Variants in ROCK1 observed in about 807,000 individuals in gnomAD.
The protein encoded by ROCK1 is Rho associated coiled-coil containing protein kinase 1.
A neutral mutation model predicts 196.8 loss-of-function variants in ROCK1; 36 were observed. The ratio of observed to expected loss-of-function variants is 0.18; its 90% CI spans 0.14 to 0.24. The LOEUF is 0.24. ROCK1 is among the 10% of genes least tolerant of loss of function. The pLI is 1.00. For missense variants in ROCK1, 920 were observed against 1,562.0 expected (o/e 0.59, Z 6.93); for synonymous variants, 443 against 515.9 (o/e 0.86, Z 1.91).
At chr18:21,042,494 T>A (rs1450858286) in intron 7 of ROCK1, 71 bp downstream of exon 7, 3 of 1,438,172 alleles carry the variant, frequency 2.1e-6, no homozygotes, top group Non-Finnish European at 2.8e-6. Flanking sequence ...ATAAATATAT[T>A]AGAAAGAGCC....
intron 27 of ROCK1, among the ~76,000 whole-genome samples, chr18:20,963,743 A>C (rs1444458205): frequency 2.0e-5 from 3 of 152,156 alleles, no homozygotes; most frequent in Non-Finnish European, 4.4e-5. Context: ...AACAGTTATC[A>C]CATTAAAGTT....
intron 29 of ROCK1, among the ~76,000 whole-genome samples, chr18:20,958,464 A>AC (rs147743725): frequency 0.072 from 10,957 of 152,028 alleles, 333 homozygotes; most frequent in Admixed American, 0.14. Flanking sequence ...ATCTTTATAC[A>AC]TACTACATAA....
At chr18:21,079,892 G>A (rs1253316655) in intron 1 of ROCK1, among the ~76,000 whole-genome samples, 1 of 152,190 alleles carries the variant, frequency 6.6e-6, no homozygotes, top group African/African-American at 2.4e-5. Context: ...TTTACGAAGA[G>A]GATAGGAAGG....
chr18:21,049,381 T>C, intron 3 of ROCK1, 152 bp from the exon 4 acceptor site: 1 of 642,386 alleles, frequency 1.6e-6, no homozygotes, highest in Non-Finnish European at 2.5e-6. Flanking sequence ...TGCCAAATTA[T>C]TCCAAGTAGC....
chr18:21,107,563 T>C (rs1307917402), intron 1 of ROCK1, among the ~76,000 whole-genome samples: 1 of 152,060 alleles, frequency 6.6e-6, no homozygotes, highest in African/African-American at 2.4e-5. Context: ...CTATAATACA[T>C]GAGAGGTCCA....
intron 18 of ROCK1, among the ~76,000 whole-genome samples, chr18:20,990,863 C>T (rs546115866): frequency 6.6e-6 from 1 of 151,838 alleles, no homozygotes; most frequent in East Asian, 2.0e-4. Flanking sequence ...TGGGTTCAAG[C>T]GATTCTCCTG....
intron 24 of ROCK1, 123 bp downstream of exon 24, chr18:20,968,992 T>C: frequency 1.1e-6 from 1 of 883,644 alleles, no homozygotes; most frequent in Non-Finnish European, 1.8e-6. Flanking sequence ...TTAAGATAAT[T>C]CTTAAGGCTA....
At chr18:21,017,949 G>A (rs533394434) in intron 12 of ROCK1, among the ~76,000 whole-genome samples, 1 of 150,900 alleles carries the variant, frequency 6.6e-6, no homozygotes, top group South Asian at 2.1e-4. Flanking sequence ...CTCCAGCCTG[G>A]GTGACAGAGT....
chr18:20,996,956 C>T (rs2035676609), intron 16 of ROCK1, among the ~76,000 whole-genome samples: 2 of 151,706 alleles, frequency 1.3e-5, no homozygotes, highest in Admixed American at 6.6e-5. Flanking sequence ...CAGATAGATA[C>T]CCAAAAAATA....
At chr18:21,100,189 C>T (rs1245334923) in intron 1 of ROCK1, among the ~76,000 whole-genome samples, 1 of 148,100 alleles carries the variant, frequency 6.8e-6, no homozygotes, top group South Asian at 2.2e-4. Context: ...GCCTAACTGA[C>T]AAGAAGTTGG....
At chr18:21,027,835 C>T (rs2035973100) in intron 10 of ROCK1, among the ~76,000 whole-genome samples, 1 of 134,152 alleles carries the variant, frequency 7.5e-6, no homozygotes, top group Non-Finnish European at 1.5e-5. Context: ...GATCTCGGCT[C>T]ACTGCAAGCT....
chr18:21,053,857 A>G (rs2036224976), intron 2 of ROCK1, among the ~76,000 whole-genome samples: 1 of 152,176 alleles, frequency 6.6e-6, no homozygotes, highest in Non-Finnish European at 1.5e-5. Context: ...CAACATTTCA[A>G]GTATACTCTT....
intron 14 of ROCK1, 90 bp downstream of exon 14, chr18:21,007,969 C>T (rs2035782368): frequency 3.3e-6 from 3 of 907,676 alleles, no homozygotes; most frequent in Non-Finnish European, 3.1e-6. Context: ...AGGATTGTAG[C>T]TTCATGTATG....
At chr18:21,081,602 T>C (rs1202781363) in intron 1 of ROCK1, among the ~76,000 whole-genome samples, 2 of 152,006 alleles carry the variant, frequency 1.3e-5, no homozygotes, top group African/African-American at 4.8e-5. Context: ...AAAGATAAAA[T>C]TGGCACATAT....
intron 9 of ROCK1, among the ~76,000 whole-genome samples, chr18:21,033,786 A>G (rs1019593763): frequency 1.5e-5 from 2 of 136,868 alleles, no homozygotes; most frequent in African/African-American, 5.4e-5. Context: ...TGGGAGGCGG[A>G]GGTGGGCAGA....
At chr18:21,043,562 T>C (rs1290162977) in intron 6 of ROCK1, among the ~76,000 whole-genome samples, 1 of 139,980 alleles carries the variant, frequency 7.1e-6, no homozygotes, top group Non-Finnish European at 1.5e-5. Flanking sequence ...TATATGTATA[T>C]ACATATACAT....
At chr18:21,067,383 C>CT (rs373333472) in intron 2 of ROCK1, among the ~76,000 whole-genome samples, 2,453 of 125,262 alleles carry the variant, frequency 0.02, 53 homozygotes, top group African/African-American at 0.023. Context: ...TCTTTTCACT[C>CT]TTTTTTTTTT....
intron 1 of ROCK1, among the ~76,000 whole-genome samples, chr18:21,079,887 G>A (rs1383089131): frequency 2.0e-5 from 3 of 152,300 alleles, no homozygotes; most frequent in East Asian, 3.9e-4. Flanking sequence ...CCAGGTTTAC[G>A]AAGAGGATAG....
At chr18:21,101,652 T>C (rs1425875942) in intron 1 of ROCK1, among the ~76,000 whole-genome samples, 8 of 152,170 alleles carry the variant, frequency 5.3e-5, no homozygotes, top group Non-Finnish European at 1.5e-5. Flanking sequence ...GTTGGGGGAA[T>C]GAGATTTCTC....
Sources: gnomAD v4.1 joint callset for allele counts (sites outside exome capture counted in the v4.1 genomes callset) on GRCh38, gnomAD v4.1.1 for gene constraint, MANE v1.5 for transcripts, NCBI Gene and HGNC (gene_info 2026-07-23, HGNC 2026-07-21) for gene names.